The following HIVEP3 variants were observed in gnomAD, a reference collection of about 807,000 sequenced individuals.
HIVEP3 encodes transcription factor HIVEP3.
Under a neutral mutation model 152.8 loss-of-function variants are expected in HIVEP3, and 49 were observed. The ratio of observed to expected loss-of-function variants is 0.32; its 90% CI spans 0.26 to 0.41. The LOEUF (loss-of-function observed/expected upper bound fraction) is 0.41. HIVEP3 is among the 10% of genes least tolerant of loss of function. The pLI is 1.00. For synonymous variants in HIVEP3, 1,269 were observed against 1,289.0 expected, an observed-to-expected ratio of 0.98 and a Z score of 0.33; for missense variants, 2,790 against 3,103.3, an observed-to-expected ratio of 0.90 and a Z score of 2.40.
At chr1:41,562,657 C>CTTTG in intron 5 of HIVEP3, among the ~76,000 whole-genome samples, 1 of 140,804 alleles carries the variant, frequency 7.1e-6, no homozygotes, top group Non-Finnish European at 1.5e-5. Flanking sequence ...TTCTTTCTTT[C>CTTTG]TTTCTTTTCT....
At position 41,833,685 on chromosome 1, in the gene HIVEP3, T is replaced by C. The variant is rs367803860; in HGVS notation, c.-801+84728A>G. 1.6e-3 allele frequency among the ~76,000 whole-genome samples: 249 copies of C among 152,318 alleles called. 1 individual carries two copies. Among genetic ancestry groups the C allele is most frequent in the African/African-American group, 5.6e-3 (233 of 41,570 alleles). Reference sequence around the variant, plus strand: ...CTCCAGAGCCTCTCCTGAACTCTGCTGGCATCAAACATCATGATGGACACA... The same window carrying C: ...CTCCAGAGCCTCTCCTGAACTCTGCCGGCATCAAACATCATGATGGACACA... On this transcript the variant is annotated intron_variant, in intron 1 of 8. Transcript: ENST00000372583.
chr1:41,704,898 T>C (rs1414767694), intron 1 of HIVEP3, among the ~76,000 whole-genome samples: 1 of 152,236 alleles, frequency 6.6e-6, no homozygotes, highest in African/African-American at 2.4e-5. Flanking sequence ...CCATCAATTA[T>C]TATTTTAGAG....
At chr1:41,952,686 A>C (rs113167179) in intron 1 of HIVEP3, among the ~76,000 whole-genome samples, 13 of 152,210 alleles carry the variant, frequency 8.5e-5, no homozygotes, top group Non-Finnish European at 1.5e-4. Flanking sequence ...GTGTATATGC[A>C]CATGCATGTA....
chr1:41,681,089 G>GGTGTGTGTGTGTGTGTGT (rs35572259), intron 2 of HIVEP3, among the ~76,000 whole-genome samples: 1,593 of 148,294 alleles, frequency 0.011, 16 homozygotes, highest in Non-Finnish European at 0.014. Context: ...GCTAAGAACT[G>GGTGTGTGTGTGTGTGTGT]GTGTGTGTGT....
At chr1:41,912,636 T>G (rs958265005) in intron 1 of HIVEP3, among the ~76,000 whole-genome samples, 3 of 152,172 alleles carry the variant, frequency 2.0e-5, no homozygotes, top group African/African-American at 7.2e-5. Flanking sequence ...TCATAGTGGG[T>G]TTTTTTCTCA....
At chr1:41,791,479 C>A (rs1379396600) in intron 1 of HIVEP3, among the ~76,000 whole-genome samples, 1 of 152,180 alleles carries the variant, frequency 6.6e-6, no homozygotes. Context: ...GGCCTTTCCA[C>A]CTTTTTCTAG....
At chr1:41,555,784 C>A (rs1643957176) in intron 5 of HIVEP3, among the ~76,000 whole-genome samples, 1 of 152,198 alleles carries the variant, frequency 6.6e-6, no homozygotes, top group African/African-American at 2.4e-5. Flanking sequence ...AACACTCACT[C>A]CCCATCTCCT....
At chr1:41,651,411 CAAAAAAAA>C (rs35508121) in intron 2 of HIVEP3, among the ~76,000 whole-genome samples, 2 of 89,068 alleles carry the variant, frequency 2.2e-5, no homozygotes, top group Non-Finnish European at 4.5e-5. Context: ...AACTCCATCT[CAAAAAAAA>C]AAAAAAAAAA....
chr1:42,034,379 G>T (rs1425190171), intron 1 of HIVEP3, among the ~76,000 whole-genome samples: 1 of 152,182 alleles, frequency 6.6e-6, no homozygotes, highest in East Asian at 1.9e-4. Context: ...CTAGTAAATT[G>T]CTGCTTCTAT....
In HIVEP3 at chr1:41,807,099, G is replaced by A. The variant is rs943531457; in HGVS notation, c.-800-106104C>T. On this transcript the variant is annotated intron_variant, in intron 1 of 8. Coordinates refer to ENST00000372583, the MANE Select transcript of HIVEP3 (RefSeq NM_024503.5). ...TGTGCTCTGATGTGGGAGGGATATC[G>A]CTCATTGACAGGTTTCAAAACTAAA... is the stretch of plus-strand genomic sequence containing the variant. Among the ~76,000 whole-genome samples the A allele has an allele frequency of 3.5e-4, 54 of 152,122 alleles. 1 individual carries two copies. The highest frequency in any genetic ancestry group is 1.9e-4 in the East Asian group (1 of 5,190).
At chr1:41,975,230 C>G (rs1645253179) in intron 1 of HIVEP3, among the ~76,000 whole-genome samples, 1 of 152,192 alleles carries the variant, frequency 6.6e-6, no homozygotes, top group South Asian at 2.1e-4. Context: ...CTACCCAATC[C>G]TGCTTCCCTC....
intron 1 of HIVEP3, among the ~76,000 whole-genome samples, chr1:41,888,246 G>A (rs1459143255): frequency 7.0e-6 from 1 of 142,000 alleles, no homozygotes; most frequent in Admixed American, 7.2e-5. Context: ...TAGAGATGGG[G>A]TTTCAACATG....
intron 1 of HIVEP3, among the ~76,000 whole-genome samples, chr1:41,716,808 G>A (rs1646600798): frequency 6.6e-6 from 1 of 152,206 alleles, no homozygotes; most frequent in South Asian, 2.1e-4. Context: ...TGGGGCAGGA[G>A]AGGGAGATGT....
intron 1 of HIVEP3, among the ~76,000 whole-genome samples, chr1:42,027,639 A>G (rs1363472494): frequency 6.6e-6 from 1 of 152,182 alleles, no homozygotes; most frequent in Non-Finnish European, 1.5e-5. Context: ...TAGGTGTATT[A>G]GTTCATTTTC....
At chr1:41,587,021 A>G (rs928859118) in intron 3 of HIVEP3, among the ~76,000 whole-genome samples, 5 of 152,128 alleles carry the variant, frequency 3.3e-5, no homozygotes, top group African/African-American at 1.2e-4. Context: ...ATTCAGCTAT[A>G]TATTTATATA....
chr1:41,546,442 A>T (rs1643806356), intron 5 of HIVEP3, among the ~76,000 whole-genome samples: 1 of 152,204 alleles, frequency 6.6e-6, no homozygotes, highest in African/African-American at 2.4e-5. Flanking sequence ...GACAGAACAG[A>T]TGCAGCTGTC....
At chr1:41,841,679 C>G (rs138648407) in intron 1 of HIVEP3, among the ~76,000 whole-genome samples, 1 of 152,320 alleles carries the variant, frequency 6.6e-6, no homozygotes, top group East Asian at 1.9e-4. Context: ...AACAAGTTAT[C>G]TAAGCTCAGG....
At chr1:41,782,915 G>T (rs1184312708) in intron 1 of HIVEP3, among the ~76,000 whole-genome samples, 3 of 152,132 alleles carry the variant, frequency 2.0e-5, no homozygotes, top group Non-Finnish European at 4.4e-5. Context: ...AGGCTGGGGT[G>T]GGGGCCACAA....
chr1:41,747,612 C>A (rs1246380405), intron 1 of HIVEP3, among the ~76,000 whole-genome samples: 1 of 152,208 alleles, frequency 6.6e-6, no homozygotes, highest in Non-Finnish European at 1.5e-5. Flanking sequence ...GACACATATG[C>A]AGTTTGATTT....
Sources: gnomAD v4.1 joint callset for allele counts (sites outside exome capture counted in the v4.1 genomes callset) on GRCh38, gnomAD v4.1.1 for gene constraint, MANE v1.5 for transcripts, NCBI Gene and HGNC (gene_info 2026-07-23, HGNC 2026-07-21) for gene names.